The following GMDS variants were observed in gnomAD, a reference collection of about 807,000 sequenced individuals.
GMDS encodes the protein GDP-mannose 4,6 dehydratase.
GMDS carries 20 observed loss-of-function variants against 49.9 expected under a neutral mutation model. The ratio of observed to expected loss-of-function variants is 0.40; its 90% CI spans 0.28 to 0.58. The LOEUF is 0.58. Among genes scored for constraint, GMDS ranks in the 20% least tolerant of loss-of-function variants. The pLI is 0.42. For synonymous variants in GMDS, 177 were observed against 178.6 expected (o/e 0.99, Z 0.07); for missense variants, 362 against 481.4 (o/e 0.75, Z 2.32).
At chr6:1,999,996 T>TAAAAAA (rs1255621997) in intron 4 of GMDS, among the ~76,000 whole-genome samples, 1 of 10,450 alleles carries the variant, frequency 9.6e-5, no homozygotes, top group Non-Finnish European at 2.2e-4. Context: ...TATATATATA[T>TAAAAAA]TATATATATA....
chr6:1,782,926 G>A lies in GMDS; in HGVS notation c.772-40340C>T, dbSNP rs544838982. On this transcript the variant is annotated intron_variant, in intron 7 of 10. Transcript: ENST00000380815. ...CCCAAAACTTTCGGAGGCTGAGGTG[G>A]GAGGATTGCTTGAGCCCAGGAGTTT... Among the ~76,000 whole-genome samples, 181 of 152,286 alleles carry A rather than the reference G, an allele frequency of 1.2e-3. 2 individuals carry two copies. Among genetic ancestry groups the A allele is most frequent in the Non-Finnish European group, 2.0e-3 (134 of 68,010 alleles).
chr6:1,751,264 T>C (rs1031044761), intron 7 of GMDS, among the ~76,000 whole-genome samples: 1 of 152,208 alleles, frequency 6.6e-6, no homozygotes, highest in Non-Finnish European at 1.5e-5. Context: ...CTGACCCCCG[T>C]GCCTCCTGAC....
chr6:1,814,108 G>T (rs1770558852), intron 7 of GMDS, among the ~76,000 whole-genome samples: 1 of 152,136 alleles, frequency 6.6e-6, no homozygotes, highest in African/African-American at 2.4e-5. Context: ...GAAAAACTAA[G>T]ATTGACCACA....
At chr6:2,234,790 A>G (rs1164385200) in intron 1 of GMDS, among the ~76,000 whole-genome samples, 1 of 152,158 alleles carries the variant, frequency 6.6e-6, no homozygotes, top group African/African-American at 2.4e-5. Context: ...ATTTTAAAGC[A>G]AAAAAAGAGA....
intron 9 of GMDS, among the ~76,000 whole-genome samples, chr6:1,665,531 T>C (rs971598640): frequency 6.6e-6 from 1 of 152,186 alleles, no homozygotes; most frequent in Non-Finnish European, 1.5e-5. Context: ...AATACTTACT[T>C]GGGGTTCACT....
At chr6:2,072,491 G>A (rs937247415) in intron 4 of GMDS, among the ~76,000 whole-genome samples, 1 of 152,220 alleles carries the variant, frequency 6.6e-6, no homozygotes, top group African/African-American at 2.4e-5. Flanking sequence ...TTAGGAGCAT[G>A]AACTCTAAGT....
intron 9 of GMDS, among the ~76,000 whole-genome samples, chr6:1,677,869 A>G (rs1764675239): frequency 6.6e-6 from 1 of 152,006 alleles, no homozygotes; most frequent in South Asian, 2.1e-4. Context: ...TGGGTACAAC[A>G]CACCAACATG....
At position 1,652,663 on chromosome 6, in the gene GMDS, AAT is replaced by A. The variant is rs1491370226; in HGVS notation, c.988-28125_988-28124del. The stretch of plus-strand genomic sequence containing the variant: ...TATATAATATATATTATTTATATAT[AAT>A]ATATATAATATATATTATTTATATA... On this transcript the variant is annotated intron_variant, in intron 9 of 10. Coordinates refer to ENST00000380815, the MANE Select transcript of GMDS (RefSeq NM_001500.4). Among the ~76,000 whole-genome samples, 4 of 4,106 alleles carry A rather than the reference AAT, an allele frequency of 9.7e-4. 2 individuals carry two copies. The highest frequency in any genetic ancestry group is 2.5e-3 in the African/African-American group (4 of 1,576). The allele number at this position is 4,106 out of a possible 152,430, so 2.7% of individuals were successfully genotyped here. A position where few individuals can be genotyped will look rare whatever the true frequency, so the allele number is the denominator to read the frequency against.
intron 7 of GMDS, among the ~76,000 whole-genome samples, chr6:1,812,469 C>G (rs1281124146): frequency 6.6e-6 from 1 of 150,890 alleles, no homozygotes; most frequent in Non-Finnish European, 1.5e-5. Context: ...CTAGGAAACT[C>G]AGGAGGAGGA....
intron 4 of GMDS, among the ~76,000 whole-genome samples, chr6:2,030,338 C>T (rs1338570519): frequency 6.6e-6 from 1 of 152,158 alleles, no homozygotes; most frequent in African/African-American, 2.4e-5. Context: ...ATAAGGGAGG[C>T]AAATCTGAAT....
intron 4 of GMDS, among the ~76,000 whole-genome samples, chr6:1,984,510 A>G (rs982366234): frequency 2.0e-5 from 3 of 152,006 alleles, no homozygotes; most frequent in African/African-American, 7.3e-5. Context: ...GGCATCACTG[A>G]ATATCCAGGC....
At chr6:1,904,343 T>A (rs1468528231) in intron 7 of GMDS, among the ~76,000 whole-genome samples, 1 of 152,142 alleles carries the variant, frequency 6.6e-6, no homozygotes, top group Non-Finnish European at 1.5e-5. Flanking sequence ...ATCAGGACTC[T>A]CATTTGCATT....
intron 7 of GMDS, among the ~76,000 whole-genome samples, chr6:1,923,380 T>C (rs1761825827): frequency 6.6e-6 from 1 of 152,184 alleles, no homozygotes; most frequent in African/African-American, 2.4e-5. Context: ...ACCGAGTTGA[T>C]AACACACTGC....
intron 1 of GMDS, among the ~76,000 whole-genome samples, chr6:2,162,659 AAC>A (rs67198377): frequency 0.19 from 25,329 of 135,292 alleles, 2,229 homozygotes; most frequent in East Asian, 0.3. Context: ...ATAACATTCC[AAC>A]ACACACACAC....
intron 4 of GMDS, among the ~76,000 whole-genome samples, chr6:2,064,356 T>C (rs1472261808): frequency 1.2e-4 from 18 of 152,208 alleles, no homozygotes; most frequent in African/African-American, 4.1e-4. Context: ...ATAAGGCCAA[T>C]AGAAGGTTTA....
chr6:2,113,657 T>C (rs1368587240), intron 4 of GMDS, among the ~76,000 whole-genome samples: 1 of 152,028 alleles, frequency 6.6e-6, no homozygotes, highest in Non-Finnish European at 1.5e-5. Flanking sequence ...CCTCGCACTA[T>C]CCATCTACCC....
intron 7 of GMDS, among the ~76,000 whole-genome samples, chr6:1,911,669 A>G (rs906071041): frequency 6.6e-5 from 10 of 152,328 alleles, no homozygotes; most frequent in African/African-American, 2.4e-4. Context: ...CAGCAGAGAG[A>G]GGATGTTGCC....
intron 4 of GMDS, among the ~76,000 whole-genome samples, chr6:2,114,863 T>C (rs1774753104): frequency 6.6e-6 from 1 of 152,206 alleles, no homozygotes; most frequent in African/African-American, 2.4e-5. Context: ...TTCCATTCTA[T>C]GCAAACATGG....
chr6:1,817,684 T>C (rs1770727237), intron 7 of GMDS, among the ~76,000 whole-genome samples: 1 of 152,192 alleles, frequency 6.6e-6, no homozygotes, highest in Admixed American at 6.5e-5. Flanking sequence ...CTTCTGTCCT[T>C]GTGAGGGCAA....
Sources: gnomAD v4.1 joint callset for allele counts (sites outside exome capture counted in the v4.1 genomes callset) on GRCh38, gnomAD v4.1.1 for gene constraint, MANE v1.5 for transcripts, NCBI Gene and HGNC (gene_info 2026-07-23, HGNC 2026-07-21) for gene names.